CNTNAP5: variants seen among roughly 807,000 people sequenced by gnomAD.
The protein encoded by CNTNAP5 is contactin-associated protein-like 5.
Under a neutral mutation model 150.2 loss-of-function variants are expected in CNTNAP5, and 72 were observed. That is an observed-to-expected ratio of 0.48 (90% CI 0.40 to 0.58). The LOEUF is 0.58. Among genes scored for constraint, CNTNAP5 ranks in the 20% least tolerant of loss-of-function variants. The probability of loss-of-function intolerance (pLI) is 0.00; values close to 1 mark genes in which losing one functional copy is unlikely to be tolerated. For missense variants in CNTNAP5, 1,636 were observed against 1,626.2 expected (o/e 1.01, Z -0.10); for synonymous variants, 672 against 619.8 (o/e 1.08, Z -1.25).
intron 3 of CNTNAP5, among the ~76,000 whole-genome samples, chr2:124,407,098 C>T (rs796453397): frequency 3.3e-5 from 5 of 152,254 alleles, no homozygotes; most frequent in African/African-American, 9.6e-5. Context: ...TATTGATGGA[C>T]ACGCATTGTT....
chr2:124,521,243 G>C (rs576178718), intron 8 of CNTNAP5, among the ~76,000 whole-genome samples: 1 of 152,108 alleles, frequency 6.6e-6, no homozygotes, highest in Non-Finnish European at 1.5e-5. Context: ...ATTTTCAAAA[G>C]CTCCCCAGGC....
At chr2:124,678,179 C>T (rs139615143) in intron 13 of CNTNAP5, among the ~76,000 whole-genome samples, 1 of 151,910 alleles carries the variant, frequency 6.6e-6, no homozygotes, top group African/African-American at 2.4e-5. Flanking sequence ...AGGAATCCAA[C>T]CTAATGATGA....
intron 3 of CNTNAP5, among the ~76,000 whole-genome samples, chr2:124,281,781 G>A (rs532859481): frequency 1.6e-3 from 250 of 152,222 alleles, no homozygotes; most frequent in African/African-American, 4.6e-3. Context: ...ACGGAAGCCG[G>A]ATGGGACCTT....
At chr2:124,640,194 C>T (rs1198307630) in intron 12 of CNTNAP5, among the ~76,000 whole-genome samples, 3 of 152,146 alleles carry the variant, frequency 2.0e-5, no homozygotes, top group Admixed American at 1.3e-4. Context: ...CACACCACTA[C>T]CCCCTAAGAC....
At chr2:124,445,081 C>CTTT (rs1006938474) in intron 5 of CNTNAP5, among the ~76,000 whole-genome samples, 3 of 131,824 alleles carry the variant, frequency 2.3e-5, no homozygotes, top group Admixed American at 7.8e-5. Context: ...ACACAAATAT[C>CTTT]TTTTTTTTTT....
intron 22 of CNTNAP5, among the ~76,000 whole-genome samples, chr2:124,903,908 G>A (rs1280142935): frequency 6.6e-6 from 1 of 151,936 alleles, no homozygotes; most frequent in African/African-American, 2.4e-5. Context: ...ACAAAAATTA[G>A]CTGGCCGTGG....
At chr2:124,407,426 C>T (rs1691602191) in intron 3 of CNTNAP5, among the ~76,000 whole-genome samples, 1 of 151,528 alleles carries the variant, frequency 6.6e-6, no homozygotes, top group Non-Finnish European at 1.5e-5. Context: ...TCTAAAGGTT[C>T]ACTGAAAACT....
intron 12 of CNTNAP5, 86 bp downstream of exon 12, chr2:124,610,006 C>A: frequency 1.4e-6 from 2 of 1,426,626 alleles, no homozygotes; most frequent in Admixed American, 2.2e-5. Flanking sequence ...GGGATACCTA[C>A]GTGAATAAAA....
At chr2:124,811,865 C>T (rs933658079) in intron 19 of CNTNAP5, among the ~76,000 whole-genome samples, 1 of 145,806 alleles carries the variant, frequency 6.9e-6, no homozygotes, top group Non-Finnish European at 1.5e-5. Context: ...TCGCTTGAAC[C>T]CGGGAGGCAG....
intron 1 of CNTNAP5, among the ~76,000 whole-genome samples, chr2:124,218,943 C>T (rs1686232917): frequency 6.6e-6 from 1 of 152,046 alleles, no homozygotes; most frequent in Non-Finnish European, 1.5e-5. Context: ...TTTATTTTAC[C>T]CAAAGCTATC....
In CNTNAP5 at chr2:124,609,095, G is replaced by A. The variant is rs561470806; in HGVS notation, c.1757-706G>A. On this transcript the variant is annotated intron_variant, in intron 11 of 23. Coordinates refer to ENST00000682447, the MANE Select transcript of CNTNAP5 (RefSeq NM_001367498.1). ...GCTGGGGCACAACATCAAATGACACGTGACCACTACTCTTACAGGTTCTGT... is the reference window on the plus strand; with the variant it reads ...GCTGGGGCACAACATCAAATGACACATGACCACTACTCTTACAGGTTCTGT... Among the ~76,000 whole-genome samples the A allele has an allele frequency of 1.6e-4, 25 of 152,170 alleles. No homozygotes were observed. In the South Asian group the frequency reaches 4.1e-3, roughly 25 times the overall value.
chr2:124,624,029 G>A (rs776729037), intron 12 of CNTNAP5, among the ~76,000 whole-genome samples: 3 of 152,176 alleles, frequency 2.0e-5, no homozygotes, highest in Non-Finnish European at 4.4e-5. Context: ...GTTGACCAAA[G>A]TGTGGTGACC....
At chr2:124,424,695 G>T (rs115295424) in intron 4 of CNTNAP5, among the ~76,000 whole-genome samples, 1 of 152,062 alleles carries the variant, frequency 6.6e-6, no homozygotes, top group African/African-American at 2.4e-5. Flanking sequence ...GGATCTGAAG[G>T]CTCCTTCAAC....
intron 6 of CNTNAP5, among the ~76,000 whole-genome samples, chr2:124,458,587 G>A (rs1219255197): frequency 1.3e-5 from 2 of 151,930 alleles, no homozygotes; most frequent in East Asian, 3.9e-4. Context: ...CTTAGGTTAT[G>A]AGTGCACCAA....
intron 1 of CNTNAP5, among the ~76,000 whole-genome samples, chr2:124,053,644 A>G (rs1456236665): frequency 6.6e-6 from 1 of 152,222 alleles, no homozygotes; most frequent in Non-Finnish European, 1.5e-5. Flanking sequence ...GTTAAATGGC[A>G]TGGTTTACAT....
At chr2:124,788,602 T>C (rs1333548579) in intron 17 of CNTNAP5, among the ~76,000 whole-genome samples, 1 of 146,052 alleles carries the variant, frequency 6.8e-6, no homozygotes, top group African/African-American at 2.7e-5. Flanking sequence ...TTTCTTTCTT[T>C]CTTTTTTTTT....
chr2:124,113,925 C>A (rs139351307), intron 1 of CNTNAP5, among the ~76,000 whole-genome samples: 1,842 of 150,216 alleles, frequency 0.012, 25 homozygotes, highest in Middle Eastern at 0.031. Flanking sequence ...GTCTCTCTCT[C>A]TATATATATA....
intron 17 of CNTNAP5, among the ~76,000 whole-genome samples, chr2:124,780,492 A>C (rs1334687859): frequency 1.3e-5 from 2 of 152,228 alleles, no homozygotes; most frequent in South Asian, 2.1e-4. Flanking sequence ...GGTCCTTATA[A>C]AGGGGAAAGT....
chr2:124,784,172 G>A (rs2104623961), intron 17 of CNTNAP5, among the ~76,000 whole-genome samples: 1 of 152,198 alleles, frequency 6.6e-6, no homozygotes, highest in South Asian at 2.1e-4. Flanking sequence ...AAGGTGGGAG[G>A]GAAGAAGGGA....
Sources: allele counts gnomAD v4.1 joint callset (sites outside exome capture counted in the v4.1 genomes callset), GRCh38; gene constraint gnomAD v4.1.1; transcripts MANE v1.5; gene names NCBI Gene and HGNC (gene_info 2026-07-23, HGNC 2026-07-21).